PROS1: variants seen among roughly 807,000 people sequenced by gnomAD.
PROS1 encodes protein S.
Under a neutral mutation model 75.9 loss-of-function variants are expected in PROS1, and 29 were observed. The observed-to-expected ratio is 0.38, with a 90% CI of 0.28 to 0.52. The LOEUF (loss-of-function observed/expected upper bound fraction) is 0.52, where lower values mean the gene tolerates loss of function less well. PROS1 is among the 20% of genes least tolerant of loss of function. PROS1 has a pLI of 0.83. For synonymous variants in PROS1, 245 were observed against 280.6 expected (o/e 0.87, Z 1.27); for missense variants, 680 against 810.3 (o/e 0.84, Z 1.95).
Position 93,873,966 on chromosome 3 carries a change from T to C in PROS1, c.*279A>G. The C allele has an allele frequency of 5.6e-6, 2 of 358,784 alleles. No individual in the cohort carries two copies. The highest frequency in any genetic ancestry group is 5.1e-6 in the Non-Finnish European group (1 of 195,386). The allele number at this position is 358,784 out of a possible 1,614,324, so 22.2% of individuals were successfully genotyped here. A position where few individuals can be genotyped will look rare whatever the true frequency, so the allele number is the denominator to read the frequency against. ...TGATGATAAAATTAAAATTTAGTTT[T>C]ACAAACAAAAATTGAAACTGTCATT... On this transcript the variant is annotated 3_prime_UTR_variant, in exon 15 of 15. Coordinates refer to ENST00000394236, the MANE Select transcript of PROS1 (RefSeq NM_000313.4).
intron 1 of PROS1, among the ~76,000 whole-genome samples, chr3:93,949,895 C>T (rs901030093): frequency 5.3e-5 from 8 of 152,098 alleles, no homozygotes; most frequent in East Asian, 3.9e-4. Flanking sequence ...TTGCCTCACC[C>T]GGGAAGTGCA....
chr3:93,917,612 G>A (rs537939301), intron 3 of PROS1, among the ~76,000 whole-genome samples: 1 of 152,202 alleles, frequency 6.6e-6, no homozygotes, highest in Non-Finnish European at 1.5e-5. Flanking sequence ...GGGAGGTGTG[G>A]AGGGAAAGGC....
At chr3:93,888,550 G>A (rs537975562) in intron 10 of PROS1, among the ~76,000 whole-genome samples, 5 of 152,286 alleles carry the variant, frequency 3.3e-5, no homozygotes, top group South Asian at 2.1e-4. Flanking sequence ...GACATTGGAT[G>A]AGATAGTGTT....
At chr3:93,934,210 T>TA (rs1452088536) in intron 1 of PROS1, among the ~76,000 whole-genome samples, 22 of 150,576 alleles carry the variant, frequency 1.5e-4, no homozygotes, top group East Asian at 9.7e-4. Flanking sequence ...TTAATAATGG[T>TA]AAAAAAATAA....
intron 3 of PROS1, among the ~76,000 whole-genome samples, chr3:93,915,934 C>G (rs1259217593): frequency 3.9e-5 from 6 of 152,108 alleles, no homozygotes; most frequent in Non-Finnish European, 8.8e-5. Context: ...TAGCAGCAAC[C>G]CAATGTCTGG....
At chr3:93,898,681 T>A (rs1708540144) in intron 7 of PROS1, 112 bp from the exon 8 acceptor site, 1 of 1,283,960 alleles carries the variant, frequency 7.8e-7, no homozygotes, top group African/African-American at 1.5e-5. Flanking sequence ...TAATCGAACC[T>A]TAGGGAAAGA....
intron 1 of PROS1, among the ~76,000 whole-genome samples, chr3:93,947,571 TTTC>T (rs1247872576): frequency 6.6e-6 from 1 of 151,856 alleles, no homozygotes; most frequent in Non-Finnish European, 1.5e-5. Context: ...AAAGAGTTAT[TTTC>T]TTTTTTTTTT....
Position 93,911,524 on chromosome 3 carries a change from T to C in PROS1, c.260-819A>G, listed in dbSNP as rs1708759369. ...TTAAGTAATCATTGTATTTTTCTCA[T>C]GATTTGCGGGTCAAATATTTGCAGA... is the stretch of plus-strand genomic sequence containing the variant. On this transcript the variant is annotated intron_variant, in intron 3 of 14. Coordinates refer to ENST00000394236, the MANE Select transcript of PROS1 (RefSeq NM_000313.4). Among the ~76,000 whole-genome samples, 4 of 152,304 alleles carry C rather than the reference T, an allele frequency of 2.6e-5. 1 individual carries two copies. In the South Asian group the frequency reaches 6.2e-4, roughly 24 times the overall value.
intron 4 of PROS1, 22 bp from the exon 5 acceptor site, chr3:93,906,165 TTA>T (rs1464351520): frequency 6.2e-7 from 1 of 1,611,440 alleles, no homozygotes; most frequent in East Asian, 2.2e-5. Context: ...AGACATCTAT[TTA>T]TTTTTTTTAT....
intron 9 of PROS1, among the ~76,000 whole-genome samples, chr3:93,893,645 CAT>C (rs1559932058): frequency 6.6e-6 from 1 of 151,594 alleles, no homozygotes; most frequent in East Asian, 1.9e-4. Context: ...TATAATTTCA[CAT>C]GTCAGGAATC....
rs186189268 is a variant in PROS1, at chr3:93,958,934, T to C, written c.76+14740A>G. On this transcript the variant is annotated intron_variant, in intron 1 of 14. Transcript: ENST00000394236. The stretch of plus-strand genomic sequence containing the variant: ...CATGAAAACAGACTAATGGAGTACG[T>C]AATCAATTTAGATGTGAAAATTGAC... Among the ~76,000 whole-genome samples the C allele has an allele frequency of 2.5e-3, 387 of 152,306 alleles. 1 individual carries two copies. Among genetic ancestry groups the C allele is most frequent in the African/African-American group, 8.8e-3 (366 of 41,568 alleles).
At chr3:93,901,816 T>C (rs149448884) in intron 6 of PROS1, among the ~76,000 whole-genome samples, 1 of 152,196 alleles carries the variant, frequency 6.6e-6, no homozygotes. Flanking sequence ...TACTATCATT[T>C]TGTAAACTCT....
At chr3:93,958,101 TAATAA>T (rs921235560) in intron 1 of PROS1, among the ~76,000 whole-genome samples, 1 of 151,642 alleles carries the variant, frequency 6.6e-6, no homozygotes, top group Non-Finnish European at 1.5e-5. Flanking sequence ...AAAATAATAA[TAATAA>T]AATAAAATAA....
intron 2 of PROS1, among the ~76,000 whole-genome samples, chr3:93,924,860 A>T (rs1376126117): frequency 6.6e-6 from 1 of 151,654 alleles, no homozygotes; most frequent in Non-Finnish European, 1.5e-5. Context: ...TTTTGTAGAG[A>T]TGGGGTCTCA....
At chr3:93,947,092 G>A (rs1017863805) in intron 1 of PROS1, among the ~76,000 whole-genome samples, 15 of 152,152 alleles carry the variant, frequency 9.9e-5, no homozygotes, top group South Asian at 2.1e-4. Context: ...GGCCATCAGC[G>A]AAATGCAAAT....
intron 1 of PROS1, among the ~76,000 whole-genome samples, chr3:93,969,351 A>G (rs1240379030): frequency 1.3e-5 from 2 of 151,996 alleles, no homozygotes; most frequent in Admixed American, 6.6e-5. Flanking sequence ...ATATTTTCAA[A>G]TGGTGTGTAT....
chr3:93,973,841 T>G lies in PROS1; in HGVS notation c.-92A>C. 1 of 1,192,384 alleles carries G rather than the reference T, an allele frequency of 8.4e-7. No individual in the cohort carries two copies. The highest frequency in any genetic ancestry group is 1.2e-6 in the Non-Finnish European group (1 of 857,962). The allele number at this position is 1,192,384 out of a possible 1,614,324, so 73.9% of individuals were successfully genotyped here. On this transcript the variant is annotated 5_prime_UTR_variant, in exon 1 of 15. Transcript: ENST00000394236. ...CCGCGGAGCTGCGAGCCTGTGCGCCTCGGTCTGAGCCGTGCTGCGCGGCGG... is the reference window on the plus strand; with the variant it reads ...CCGCGGAGCTGCGAGCCTGTGCGCCGCGGTCTGAGCCGTGCTGCGCGGCGG...
In PROS1 at chr3:93,886,250, A is replaced by G. The variant is rs1214769577; in HGVS notation, c.1323+86T>C. On this transcript the variant is annotated intron_variant, in intron 11 of 14. Transcript: ENST00000394236. ...TAGTATGCTTAACAAAACAACTTCT[A>G]TTGATTCTCAGAAACACACATATTC... 17 of 1,278,754 alleles carry G rather than the reference A, an allele frequency of 1.3e-5. No individual in the cohort carries two copies. In the Admixed American group the frequency reaches 1.9e-4, roughly 14 times the overall value. 79.2% of individuals were successfully genotyped at this position (1,278,754 alleles called of 1,614,324 possible).
intron 1 of PROS1, among the ~76,000 whole-genome samples, chr3:93,940,470 G>A (rs1324069983): frequency 1.3e-5 from 2 of 152,036 alleles, no homozygotes; most frequent in Non-Finnish European, 2.9e-5. Flanking sequence ...TGACGTCTGG[G>A]CTTCTAAATC....
Sources: allele counts gnomAD v4.1 joint callset (sites outside exome capture counted in the v4.1 genomes callset), GRCh38; gene constraint gnomAD v4.1.1; transcripts MANE v1.5; gene names NCBI Gene and HGNC (gene_info 2026-07-23, HGNC 2026-07-21).